The following CUL5 variants were observed in gnomAD, a reference collection of about 807,000 sequenced individuals.
The protein encoded by CUL5 is cullin 5.
CUL5 carries 26 observed loss-of-function variants against 108.8 expected under a neutral mutation model. The observed-to-expected ratio is 0.24, with a 90% CI of 0.18 to 0.33. The LOEUF (loss-of-function observed/expected upper bound fraction) is 0.33, where lower values mean the gene tolerates loss of function less well. CUL5 is among the 10% of genes least tolerant of loss of function. CUL5 has a pLI of 1.00. For synonymous variants in CUL5, 334 were observed against 298.0 expected (o/e 1.12, Z -1.25); for missense variants, 524 against 909.2 (o/e 0.58, Z 5.45).
rs1864436182 is a variant in CUL5, at chr11:108,094,375, T to C, written c.1444-16T>C. 1 of 1,553,166 alleles carries C rather than the reference T, an allele frequency of 6.4e-7. No individual in the cohort carries two copies. ...ATGTATTTATTACCTCTTCCTTCTT[T>C]GGTTTATATTTATAGGAAGTTGGTA... On this transcript the variant is annotated splice_polypyrimidine_tract_variant and intron_variant, in intron 13 of 18. Transcript: ENST00000393094.
At chr11:108,078,621 T>C (rs1049921183) in intron 11 of CUL5, among the ~76,000 whole-genome samples, 1 of 152,150 alleles carries the variant, frequency 6.6e-6, no homozygotes, top group Non-Finnish European at 1.5e-5. Context: ...TGTTCTATAA[T>C]TGGTAAGATG....
At chr11:108,049,592 C>T (rs1358216867) in intron 3 of CUL5, among the ~76,000 whole-genome samples, 1 of 152,118 alleles carries the variant, frequency 6.6e-6, no homozygotes, top group African/African-American at 2.4e-5. Flanking sequence ...ATCCTCCCGC[C>T]TCAGCCTCCC....
At chr11:108,032,760 A>T (rs1862626141) in intron 1 of CUL5, among the ~76,000 whole-genome samples, 1 of 152,024 alleles carries the variant, frequency 6.6e-6, no homozygotes, top group South Asian at 2.1e-4. Context: ...TTCTCTGGTA[A>T]GATTGGCCTG....
chr11:108,030,243 A>G (rs1163297038), intron 1 of CUL5, among the ~76,000 whole-genome samples: 1 of 152,238 alleles, frequency 6.6e-6, no homozygotes, highest in Non-Finnish European at 1.5e-5. Flanking sequence ...TACGTGATTC[A>G]TTTAAGTCCA....
intron 7 of CUL5, among the ~76,000 whole-genome samples, chr11:108,059,339 A>G (rs762653928): frequency 6.6e-6 from 1 of 152,214 alleles, no homozygotes; most frequent in Non-Finnish European, 1.5e-5. Flanking sequence ...CCTAGTCCCT[A>G]TCCTCAGGAT....
intron 18 of CUL5, among the ~76,000 whole-genome samples, chr11:108,099,361 A>T (rs1864586034): frequency 6.6e-6 from 1 of 152,230 alleles, no homozygotes; most frequent in Admixed American, 6.5e-5. Flanking sequence ...CATATTACCT[A>T]TAGATCATGT....
intron 16 of CUL5, among the ~76,000 whole-genome samples, chr11:108,096,091 C>T (rs920745287): frequency 5.5e-5 from 8 of 146,068 alleles, no homozygotes; most frequent in East Asian, 2.0e-4. Context: ...GTGAGAACTC[C>T]GTCTGAAAAA....
intron 16 of CUL5, among the ~76,000 whole-genome samples, chr11:108,096,803 TA>T (rs1369409756): frequency 6.6e-6 from 1 of 151,940 alleles, no homozygotes; most frequent in Non-Finnish European, 1.5e-5. Context: ...TGACCTCAGG[TA>T]ATTTGCCCGC....
At chr11:108,053,682 T>C (rs982519475) in intron 5 of CUL5, among the ~76,000 whole-genome samples, 1 of 151,326 alleles carries the variant, frequency 6.6e-6, no homozygotes, top group Non-Finnish European at 1.5e-5. Flanking sequence ...ACCATGCTTT[T>C]TTTTTTTTTT....
intron 11 of CUL5, among the ~76,000 whole-genome samples, chr11:108,080,255 C>T (rs1864045032): frequency 6.6e-6 from 1 of 151,906 alleles, no homozygotes; most frequent in Non-Finnish European, 1.5e-5. Flanking sequence ...CACCACCATA[C>T]TTTACTAATT....
At chr11:108,024,137 T>A (rs1282205128) in intron 1 of CUL5, among the ~76,000 whole-genome samples, 1 of 152,230 alleles carries the variant, frequency 6.6e-6, no homozygotes, top group Non-Finnish European at 1.5e-5. Flanking sequence ...AGAGAATAGT[T>A]AATTAAGAAT....
intron 3 of CUL5, among the ~76,000 whole-genome samples, chr11:108,047,217 T>C (rs1366331918): frequency 6.6e-6 from 1 of 152,044 alleles, no homozygotes; most frequent in African/African-American, 2.4e-5. Flanking sequence ...CTCGAGAGGC[T>C]GAGGCAGGAG....
intron 11 of CUL5, among the ~76,000 whole-genome samples, chr11:108,084,478 G>A (rs2135215059): frequency 6.6e-6 from 1 of 152,350 alleles, no homozygotes; most frequent in African/African-American, 2.4e-5. Context: ...GAAAGTCCAG[G>A]AGGGACATAT....
chr11:108,039,791 A>G lies in CUL5; in HGVS notation c.134+5880A>G, dbSNP rs146932657. Among the ~76,000 whole-genome samples the G allele has an allele frequency of 8.5e-5, 13 of 152,316 alleles. No individual in the cohort carries two copies. The East Asian group carries it at 2.3e-3, about 27-fold the overall frequency. On this transcript the variant is annotated intron_variant, in intron 2 of 18. Coordinates refer to ENST00000393094, the MANE Select transcript of CUL5 (RefSeq NM_003478.6). ...GTTCAGGTTTAATGTTATGACTGATATTCTTGCTTTTGTTGCTTCTATAAC... is the reference window on the plus strand; with the variant it reads ...GTTCAGGTTTAATGTTATGACTGATGTTCTTGCTTTTGTTGCTTCTATAAC...
At position 108,099,256 on chromosome 11, in the gene CUL5, C is replaced by T. The variant is rs552657475; in HGVS notation, c.2148+727C>T. On this transcript the variant is annotated intron_variant, in intron 18 of 18. Transcript: ENST00000393094. Reference sequence around the variant, plus strand: ...CTGGGCTCAAGCAATATGCCTCCCTCGGCCTCCCAAAGTGCTGGGATTACA... The same window carrying T: ...CTGGGCTCAAGCAATATGCCTCCCTTGGCCTCCCAAAGTGCTGGGATTACA... Among the ~76,000 whole-genome samples, 5 of 152,214 alleles carry T rather than the reference C, an allele frequency of 3.3e-5. 1 individual carries two copies. The highest frequency in any genetic ancestry group is 1.2e-4 in the African/African-American group (5 of 41,530).
intron 1 of CUL5, among the ~76,000 whole-genome samples, chr11:108,014,294 G>C (rs375351387): frequency 6.6e-6 from 1 of 152,130 alleles, no homozygotes; most frequent in South Asian, 2.1e-4. Context: ...GTGTAAGCAG[G>C]GCTGCATGCT....
At position 108,051,578 on chromosome 11, in the gene CUL5, A is replaced by T. The variant is rs189043710; in HGVS notation, c.412-1082A>T. On this transcript the variant is annotated intron_variant, in intron 4 of 18. Transcript: ENST00000393094. ...CTTGTTGTTATTGTTGCTGTCATTAATGTATCTCCTACATCTGACCAAGTT... is the reference window on the plus strand; with the variant it reads ...CTTGTTGTTATTGTTGCTGTCATTATTGTATCTCCTACATCTGACCAAGTT... Among the ~76,000 whole-genome samples, 40 of 152,340 alleles carry T rather than the reference A, an allele frequency of 2.6e-4. 1 individual carries two copies. Among genetic ancestry groups the T allele is most frequent in the African/African-American group, 9.1e-4 (38 of 41,586 alleles).
intron 1 of CUL5, among the ~76,000 whole-genome samples, chr11:108,019,458 T>G (rs972568503): frequency 6.6e-6 from 1 of 152,228 alleles, no homozygotes; most frequent in African/African-American, 2.4e-5. Flanking sequence ...ATTAATTGGA[T>G]ATACAGTCAT....
chr11:108,043,632 T>G (rs531553008), intron 2 of CUL5, among the ~76,000 whole-genome samples: 161 of 152,338 alleles, frequency 1.1e-3, no homozygotes, highest in Non-Finnish European at 1.9e-3. Context: ...ACCATAAACT[T>G]AACTGTATAA....
Sources: gnomAD v4.1 joint callset for allele counts (sites outside exome capture counted in the v4.1 genomes callset) on GRCh38, gnomAD v4.1.1 for gene constraint, MANE v1.5 for transcripts, NCBI Gene and HGNC (gene_info 2026-07-23, HGNC 2026-07-21) for gene names.